The following CROCC variants were observed in gnomAD, a reference collection of about 807,000 sequenced individuals.
CROCC encodes the protein ciliary rootlet coiled-coil, rootletin, also known as rootletin.
CROCC carries 180 observed loss-of-function variants against 245.2 expected under a neutral mutation model. The observed-to-expected ratio is 0.73, with a 90% confidence interval of 0.65 to 0.83. The LOEUF is 0.83. CROCC is among the 40% of genes least tolerant of loss of function. CROCC has a pLI of 0.00. For missense variants in CROCC, 2,688 were observed against 2,779.4 expected (o/e 0.97, Z 0.74); for synonymous variants, 1,205 against 1,241.6 (o/e 0.97, Z 0.62).
rs1194127464 is a variant in CROCC at position 16,930,467 on chromosome 1, A to T, written c.722A>T (p.Glu241Val). 3 of 1,612,404 alleles carry T rather than the reference A, an allele frequency of 1.9e-6. No homozygotes were observed. In the African/African-American group the frequency reaches 4.0e-5, roughly 21 times the overall value. Residue 241 changes from glutamate to valine, a missense_variant, in exon 7 of 37, where the codon GAA becomes GTA. Physicochemically the swap from Glu to Val is moderately radical, Grantham distance 121. This residue lies in a region of CROCC where 972 missense variants were observed against 895.3 expected (regional missense o/e 1.09). Transcript: ENST00000375541. ...SLAQVNAMLREQLDQAGSANQ... is the reference protein window; with the variant it reads ...SLAQVNAMLRVQLDQAGSANQ... ...GCCCAGGTGAATGCCATGCTCCGAG[A>T]ACAGCTGGACCAGGCAGGCTCGGCC...
intron 19 of CROCC, among the ~76,000 whole-genome samples, chr1:16,949,626 C>A (rs995485833): frequency 1.8e-4 from 28 of 152,210 alleles, no homozygotes; most frequent in Non-Finnish European, 4.4e-5. Context: ...TGCTGCTGAT[C>A]TCTGAGCCTC....
intron 33 of CROCC, among the ~76,000 whole-genome samples, 157 bp from the exon 34 acceptor site, chr1:16,970,096 C>T (rs750602922): frequency 2.6e-5 from 4 of 152,224 alleles, no homozygotes; most frequent in Non-Finnish European, 5.9e-5. Context: ...GATGGAGAAA[C>T]AGACTGAGAG....
At chr1:16,953,528 G>A in intron 21 of CROCC, 47 bp downstream of exon 21, 2 of 1,525,458 alleles carry the variant, frequency 1.3e-6, no homozygotes, top group Non-Finnish European at 1.8e-6. Context: ...AGCTGCTCCA[G>A]TTCTGGGGCC....
chr1:16,961,278 C>G, intron 27 of CROCC, 148 bp downstream of exon 27: 1 of 804,576 alleles, frequency 1.2e-6, no homozygotes, highest in Non-Finnish European at 1.7e-6. Flanking sequence ...CTTCTTAGCC[C>G]CGTCCCCTCA....
chr1:16,969,820 G>C lies in CROCC; in HGVS notation c.5337G>C (p.Glu1779Asp), dbSNP rs146260866. The change falls in exon 33 of 37, where the codon GAG (glutamate) becomes GAC (aspartate). Residue 1779 changes from glutamate (E) to aspartate (D), a missense_variant. By Grantham distance (45) the Glu-to-Asp change is conservative (BLOSUM62 2). This residue lies in a region of CROCC where 1,218 missense variants were observed against 1,286.3 expected (regional missense o/e 0.95). Transcript: ENST00000375541. Reference sequence around the variant, plus strand: ...ATGCCGCCCGGCAGGCATTATCTGAGGCACGGAAGCAGAGCAGCTCCCTGG... The same window carrying C: ...ATGCCGCCCGGCAGGCATTATCTGACGCACGGAAGCAGAGCAGCTCCCTGG... ...RLDAARQALS[E>D]ARKQSSSLGE... 1.4e-3 allele frequency: 2,241 copies of C among 1,613,366 alleles called. 1 individual carries two copies. The highest frequency in any genetic ancestry group is 1.9e-3 in the Admixed American group (112 of 59,934).
chr1:16,921,994 G>C lies in CROCC; in HGVS notation c.-25G>C. 1 of 1,547,634 alleles carries C rather than the reference G, an allele frequency of 6.5e-7. No homozygotes were observed. Among genetic ancestry groups the C allele is most frequent in the East Asian group, 2.4e-5 (1 of 40,920 alleles). On this transcript the variant is annotated 5_prime_UTR_variant, in exon 1 of 37. Transcript: ENST00000375541. ...CTTGGGGTCCTGGAGAAGGGGGCTG[G>C]AGGCATGCCCACAGCCTCCCCCCCA...
In CROCC at chr1:16,970,653, T is replaced by C; in HGVS notation, c.5670T>C (p.Leu1890=). ...RTLDKVEREK[L]RSHEDTVRLS... The stretch of plus-strand genomic sequence containing the variant: ...CTGCCTAGGTGGAGCGGGAGAAGCT[T>C]CGTAGCCATGAGGACACAGTGCGGC... The change falls in exon 35 of 37, where the codon CTT becomes CTC. Residue 1890 remains leucine, a synonymous_variant. Coordinates refer to ENST00000375541, the MANE Select transcript of CROCC (RefSeq NM_014675.5). The C allele has an allele frequency of 6.4e-7, 1 of 1,562,040 alleles. No homozygotes were observed. The highest frequency in any genetic ancestry group is 8.7e-7 in the Non-Finnish European group (1 of 1,153,106).
chr1:16,962,698 G>A (rs895066131), intron 27 of CROCC, among the ~76,000 whole-genome samples: 2 of 149,952 alleles, frequency 1.3e-5, no homozygotes, highest in Non-Finnish European at 3.0e-5. Context: ...TTGTGTATGT[G>A]TGTGTGTGTA....
intron 15 of CROCC, 28 bp from the exon 16 acceptor site, chr1:16,946,231 C>G (rs1196512900): frequency 6.2e-7 from 1 of 1,605,642 alleles, no homozygotes; most frequent in South Asian, 1.1e-5. Flanking sequence ...TTCTGCCTTT[C>G]CTCATTTCTC....
rs776435775 is a variant in CROCC at position 16,937,718 on chromosome 1, C to A, written c.1271C>A (p.Thr424Asn). ...LEKDQVNKDL[T>N]EKLEALESLR... ...AAGGATCAGGTCAACAAGGACCTCA[C>A]TGAGAAGCTTGAGGCCCTGGTGAGC... The change falls in exon 10 of 37, where the codon ACT becomes AAT. Residue 424 changes from threonine (T) to asparagine (N), a missense_variant. This residue lies in a region of CROCC where 972 missense variants were observed against 895.3 expected (regional missense o/e 1.09). Coordinates refer to ENST00000375541, the MANE Select transcript of CROCC (RefSeq NM_014675.5). 1.9e-6 allele frequency: 3 copies of A among 1,610,626 alleles called. No individual in the cohort carries two copies. The highest frequency in any genetic ancestry group is 2.3e-4 in the Middle Eastern group (1 of 4,428).
chr1:16,929,275 T>C (rs1435187086), intron 3 of CROCC, among the ~76,000 whole-genome samples: 1 of 152,288 alleles, frequency 6.6e-6, no homozygotes, highest in Non-Finnish European at 1.5e-5. Flanking sequence ...TGCATATCTT[T>C]AAGGTCAGAT....
rs765269533 is a variant in CROCC at position 16,946,339 on chromosome 1, C to A, written c.2217C>A (p.Ser739=). ...AGGCCTCCCTGCAGGACTCCCTGTC[C>A]AAGCTGAGCGCCCTCAACGAGAGCC... is the stretch of plus-strand genomic sequence containing the variant. The part of the protein sequence containing the change: ...AEEASLQDSL[S]KLSALNESLA... The change falls in exon 16 of 37, where the codon TCC becomes TCA. Residue 739 remains serine, a synonymous_variant. Transcript: ENST00000375541. The A allele has an allele frequency of 7.1e-5, 115 of 1,613,354 alleles. No individual in the cohort carries two copies. Among genetic ancestry groups the A allele is most frequent in the Non-Finnish European group, 8.3e-5 (98 of 1,180,030 alleles).
chr1:16,945,378 G>C (rs2076021663), intron 14 of CROCC, 84 bp from the exon 15 acceptor site: 10 of 1,583,202 alleles, frequency 6.3e-6, no homozygotes, highest in Non-Finnish European at 8.6e-6. Flanking sequence ...CTCAGGCCTG[G>C]TCCCCAGCCC....
chr1:16,944,032 A>G, intron 13 of CROCC, 68 bp from the exon 14 acceptor site: 1 of 1,412,428 alleles, frequency 7.1e-7, no homozygotes, highest in South Asian at 1.5e-5. Context: ...CTAGAGGAGC[A>G]GCCAGCCACC....
chr1:16,939,971 G>C lies in CROCC; in HGVS notation c.1686G>C (p.Glu562Asp). ...AGCAGCTTAGCGACAGCGAGAGCGA[G>C]CGGCGGGCCCTAGAGGAACAGCTGC... ...LRKQLSDSESERRALEEQLQR... is the reference protein window; with the variant it reads ...LRKQLSDSESDRRALEEQLQR... Residue 562 changes from glutamate to aspartate, a missense_variant, in exon 13 of 37, where the codon GAG becomes GAC. Physicochemically the swap from Glu to Asp is conservative, Grantham distance 45 (BLOSUM62 2). Around this residue, in one of 9 missense-constraint regions of CROCC, gnomAD observed 972 missense variants for 895.3 expected, o/e 1.09. Coordinates refer to ENST00000375541, the MANE Select transcript of CROCC (RefSeq NM_014675.5). 1 of 1,612,658 alleles carries C rather than the reference G, an allele frequency of 6.2e-7. No individual in the cohort carries two copies. The highest frequency in any genetic ancestry group is 8.5e-7 in the Non-Finnish European group (1 of 1,179,782).
rs1360826689 is a variant in CROCC at position 16,922,009 on chromosome 1, C to T, written c.-10C>T. ...AAGGGGGCTGGAGGCATGCCCACAG[C>T]CTCCCCCCCATGAGCTTGGGGCTGG... On this transcript the variant is annotated 5_prime_UTR_variant, in exon 1 of 37. Transcript: ENST00000375541. The T allele has an allele frequency of 6.5e-7, 1 of 1,550,346 alleles. No homozygotes were observed. Among genetic ancestry groups the T allele is most frequent in the Admixed American group, 2.0e-5 (1 of 50,814 alleles).
At position 16,969,293 on chromosome 1, in the gene CROCC, C is replaced by G. The variant is rs767702589; in HGVS notation, c.5254C>G (p.Leu1752Val). ...LNSTRDKNLH[L>V]QKALTACEHD... The stretch of plus-strand genomic sequence containing the variant: ...CAGCACCCGGGACAAGAACCTGCAT[C>G]TGCAGAAGGCTCTGACCGCCTGTGA... The change falls in exon 32 of 37, where the codon CTG becomes GTG. Residue 1752 changes from leucine (L) to valine (V), a missense_variant. Physicochemically the swap from Leu to Val is conservative, Grantham distance 32. Transcript: ENST00000375541. 14 of 1,612,592 alleles carry G rather than the reference C, an allele frequency of 8.7e-6. No homozygotes were observed. Among genetic ancestry groups the G allele is most frequent in the Non-Finnish European group, 1.0e-5 (12 of 1,179,742 alleles).
chr1:16,928,240 C>T (rs1370067797), intron 3 of CROCC, among the ~76,000 whole-genome samples: 6 of 152,398 alleles, frequency 3.9e-5, no homozygotes, highest in Non-Finnish European at 7.3e-5. Context: ...GGGGTGTTGT[C>T]GCTGCCAGGT....
upstream of CROCC, among the ~76,000 whole-genome samples, chr1:16,921,093 G>A (rs1184659508): frequency 2.0e-5 from 3 of 152,290 alleles, no homozygotes; most frequent in Non-Finnish European, 4.4e-5. Context: ...TATTTCTTGA[G>A]TGTTGGCCAC....
Sources: gnomAD v4.1 joint callset for allele counts (sites outside exome capture counted in the v4.1 genomes callset) on GRCh38, gnomAD v4.1.1 for gene constraint, gnomAD v4.1.1 regional missense constraint, MANE v1.5 for transcripts, NCBI Gene and HGNC (gene_info 2026-07-23, HGNC 2026-07-21) for gene names.